Variants in PCDHB10 observed in about 807,000 individuals in gnomAD.
PCDHB10 encodes protocadherin beta 10, also known as protocadherin beta-10.
For missense variants in PCDHB10, 1,046 were observed against 1,004.7 expected, an observed-to-expected ratio of 1.04 and a Z score of -0.56; for synonymous variants, 448 against 449.2, an observed-to-expected ratio of 1.00 and a Z score of 0.04.
chr5:141,193,255 G>A lies in PCDHB10; in HGVS notation c.703G>A (p.Val235Ile). The change falls in exon 1 of 1, where the codon GTC (valine) becomes ATC (isoleucine). Residue 235 changes from valine (V) to isoleucine (I), a missense_variant. Val to Ile is a conservative substitution (Grantham distance 29). Transcript: ENST00000239446. ...TSTVRIVVLD[V>I]NDNAPQFAQA... ...TACTGTACGCATCGTTGTCTTGGAC[G>A]TCAATGACAATGCCCCACAGTTTGC... 1 of 1,614,074 alleles carries A rather than the reference G, an allele frequency of 6.2e-7. No homozygotes were observed.
Position 141,193,298 on chromosome 5 carries a change from C to T in PCDHB10, c.746C>T (p.Thr249Ile). Residue 249 changes from threonine (T) to isoleucine (I), a missense_variant, in exon 1 of 1, where the codon ACC becomes ATC. Coordinates refer to ENST00000239446, the MANE Select transcript of PCDHB10 (RefSeq NM_018930.4). The stretch of plus-strand genomic sequence containing the variant: ...CAGTTTGCCCAGGCTCTGTATGAGA[C>T]CCAGGCTCCAGAAAACAGCCCCATT... ...APQFAQALYE[T>I]QAPENSPIGF... 4 of 1,614,064 alleles carry T rather than the reference C, an allele frequency of 2.5e-6. No homozygotes were observed. The highest frequency in any genetic ancestry group is 2.2e-5 in the South Asian group (2 of 91,076).
At position 141,192,827 on chromosome 5, in the gene PCDHB10, G is replaced by A. The variant is rs375962785; in HGVS notation, c.275G>A (p.Arg92Gln). ...TTGCTCACAAATGAGAAACTGGACC[G>A]AGAGAAGCTGTGTGGCCCTAAAGAG... is the stretch of plus-strand genomic sequence containing the variant. ...GNLLTNEKLD[R>Q]EKLCGPKEPC... The change falls in exon 1 of 1, where the codon CGA becomes CAA. Residue 92 changes from arginine (R) to glutamine (Q), a missense_variant. Arg to Gln is a conservative substitution (Grantham distance 43). Coordinates refer to ENST00000239446, the MANE Select transcript of PCDHB10 (RefSeq NM_018930.4). The A allele has an allele frequency of 1.8e-5, 29 of 1,611,208 alleles. No homozygotes were observed. Among genetic ancestry groups the A allele is most frequent in the Non-Finnish European group, 2.0e-5 (24 of 1,178,020 alleles).
At position 141,193,597 on chromosome 5, in the gene PCDHB10, G is replaced by T. The variant is rs377570572; in HGVS notation, c.1045G>T (p.Val349Leu). ...DTNDNPPELI[V>L]SSFSNSVAEN... is the part of the protein sequence containing the mutation. ...CAATGACAATCCCCCTGAACTGATC[G>T]TATCATCATTTTCCAACTCTGTTGC... Residue 349 changes from valine (V) to leucine (L), a missense_variant, in exon 1 of 1, where the codon GTA (valine) becomes TTA (leucine). By Grantham distance (32) the Val-to-Leu change is conservative (BLOSUM62 1). Transcript: ENST00000239446. The T allele has an allele frequency of 6.2e-6, 10 of 1,613,986 alleles. No homozygotes were observed. Among genetic ancestry groups the T allele is most frequent in the Admixed American group, 1.7e-5 (1 of 60,002 alleles).
chr5:141,192,454 C>A lies in PCDHB10; in HGVS notation c.-99C>A, dbSNP rs1554283800. On this transcript the variant is annotated 5_prime_UTR_variant, in exon 1 of 1. Transcript: ENST00000239446. Reference sequence around the variant, plus strand: ...GGGAAAGGGAAAGGACAAAAAAGACCCCTGGGCTACACGGCGTAGGTGCAG... The same window carrying A: ...GGGAAAGGGAAAGGACAAAAAAGACACCTGGGCTACACGGCGTAGGTGCAG... 1.4e-6 allele frequency: 2 copies of A among 1,468,670 alleles called. No individual in the cohort carries two copies. Among genetic ancestry groups the A allele is most frequent in the East Asian group, 2.3e-5 (1 of 44,120 alleles). The allele number at this position is 1,468,670 out of a possible 1,614,324, so 91.0% of individuals were successfully genotyped here. A position where few individuals can be genotyped will look rare whatever the true frequency, so the allele number is the denominator to read the frequency against.
rs201494824 is a variant in PCDHB10 at position 141,193,963 on chromosome 5, G to A, written c.1411G>A (p.Gly471Ser). 74 of 1,611,032 alleles carry A rather than the reference G, an allele frequency of 4.6e-5. No homozygotes were observed. In the South Asian group the frequency reaches 7.4e-4, roughly 16 times the overall value. ...GAACAACAGCCCCGCCCTGCACATC[G>A]GCAGCGTCAGCGCCACAGACAGAGA... ...RENNSPALHI[G>S]SVSATDRDSG... Residue 471 changes from glycine to serine, a missense_variant, in exon 1 of 1, where the codon GGC (glycine) becomes AGC (serine). Physicochemically the swap from Gly to Ser is moderately conservative, Grantham distance 56 (BLOSUM62 0). Transcript: ENST00000239446.
chr5:141,193,900 G>A lies in PCDHB10; in HGVS notation c.1348G>A (p.Ala450Thr), dbSNP rs782493009. The change falls in exon 1 of 1, where the codon GCC (alanine) becomes ACC (threonine). Residue 450 changes from alanine to threonine, a missense_variant. By Grantham distance (58) the Ala-to-Thr change is moderately conservative. Coordinates refer to ENST00000239446, the MANE Select transcript of PCDHB10 (RefSeq NM_018930.4). ...CTCCGACGTCAATGACAACGCCCCC[G>A]CCTTCACCCAAACCTCCTACACCCT... ...LVSDVNDNAPAFTQTSYTLFV... is the reference protein window; with the variant it reads ...LVSDVNDNAPTFTQTSYTLFV... 3.6e-5 allele frequency: 58 copies of A among 1,613,356 alleles called. No individual in the cohort carries two copies. Among genetic ancestry groups the A allele is most frequent in the Middle Eastern group, 1.7e-4 (1 of 5,730 alleles).
Position 141,194,566 on chromosome 5 carries a change from C to T in PCDHB10, c.2014C>T (p.Pro672Ser). 6.4e-7 allele frequency: 1 copy of T among 1,572,444 alleles called. No homozygotes were observed. The highest frequency in any genetic ancestry group is 8.6e-7 in the Non-Finnish European group (1 of 1,164,028). ...LVDGFSQPYL[P>S]LPEAAPAQAQ... ...GGACGGCTTCTCCCAGCCCTACCTG[C>T]CTCTCCCGGAGGCGGCCCCGGCCCA... is the stretch of plus-strand genomic sequence containing the variant. The change falls in exon 1 of 1, where the codon CCT becomes TCT. Residue 672 changes from proline (P) to serine (S), a missense_variant. Transcript: ENST00000239446.
Position 141,193,650 on chromosome 5 carries a change from T to A in PCDHB10, c.1098T>A (p.Ala366=). The A allele has an allele frequency of 6.2e-7, 1 of 1,614,208 alleles. No homozygotes were observed. Among genetic ancestry groups the A allele is most frequent in the Middle Eastern group, 1.6e-4 (1 of 6,062 alleles). The stretch of plus-strand genomic sequence containing the variant: ...AGAATTCTCCTGAGACGCCGCTGGC[T>A]GTTTTTAAGATTAATGACAGAGACT... ...VAENSPETPL[A]VFKINDRDSG... Residue 366 remains alanine (A), a synonymous_variant, in exon 1 of 1, where the codon GCT becomes GCA. Coordinates refer to ENST00000239446, the MANE Select transcript of PCDHB10 (RefSeq NM_018930.4).
At position 141,195,119 on chromosome 5, in the gene PCDHB10, C is replaced by A. The variant is rs947620717; in HGVS notation, c.*164C>A. ...TTTCATCATTTTTTTGCATTAATAA[C>A]AACTGGGTTTAATTTAATGAGTATT... On this transcript the variant is annotated 3_prime_UTR_variant, in exon 1 of 1. Transcript: ENST00000239446. 5 of 679,300 alleles carry A rather than the reference C, an allele frequency of 7.4e-6. No individual in the cohort carries two copies. The highest frequency in any genetic ancestry group is 9.3e-6 in the Non-Finnish European group (4 of 431,142). 42.1% of individuals were successfully genotyped at this position (679,300 alleles called of 1,614,324 possible). A position where few individuals can be genotyped will look rare whatever the true frequency, so the allele number is the denominator to read the frequency against.
chr5:141,194,532 G>T lies in PCDHB10; in HGVS notation c.1980G>T (p.Leu660Phe). The part of the protein sequence containing the change: ...PPRSATATLH[L>F]LLVDGFSQPY... ...GCTCGGCCACCGCCACGCTGCACTT[G>T]CTCCTGGTGGACGGCTTCTCCCAGC... The change falls in exon 1 of 1, where the codon TTG becomes TTT. Residue 660 changes from leucine (L) to phenylalanine (F), a missense_variant. Physicochemically the swap from Leu to Phe is conservative, Grantham distance 22 (BLOSUM62 0). Coordinates refer to ENST00000239446, the MANE Select transcript of PCDHB10 (RefSeq NM_018930.4). The T allele has an allele frequency of 6.3e-7, 1 of 1,577,880 alleles. No individual in the cohort carries two copies.
rs1754016160 is a variant in PCDHB10 at position 141,194,764 on chromosome 5, C to A, written c.2212C>A (p.Leu738Met). 2 of 1,614,078 alleles carry A rather than the reference C, an allele frequency of 1.2e-6. No homozygotes were observed. Among genetic ancestry groups the A allele is most frequent in the African/African-American group, 1.3e-5 (1 of 75,026 alleles). The change falls in exon 1 of 1, where the codon CTG becomes ATG. Residue 738 changes from leucine to methionine, a missense_variant. Transcript: ENST00000239446. The stretch of plus-strand genomic sequence containing the variant: ...GCCCGAGGGTCCTTTTCCAGGGCAT[C>A]TGGTGGACGTGAGGGGCGCTGAGAC... The part of the protein sequence containing the change: ...SVPEGPFPGH[L>M]VDVRGAETLS...
Position 141,192,608 on chromosome 5 carries a change from T to C in PCDHB10, c.56T>C (p.Leu19Pro), listed in dbSNP as rs1554283838. 2 of 1,614,152 alleles carry C rather than the reference T, an allele frequency of 1.2e-6. No individual in the cohort carries two copies. Among genetic ancestry groups the C allele is most frequent in the East Asian group, 2.2e-5 (1 of 44,890 alleles). Residue 19 changes from leucine (L) to proline (P), a missense_variant, in exon 1 of 1, where the codon CTT becomes CCT. Transcript: ENST00000239446. ...PRQRQVLFLF[L>P]FWGVSLAGSG... ...CAAAGGCAAGTCCTGTTTCTTTTTC[T>C]TTTTTGGGGAGTGTCCTTGGCAGGT...
chr5:141,193,325 G>C lies in PCDHB10; in HGVS notation c.773G>C (p.Gly258Ala). ...ETQAPENSPI[G>A]FLIVKVWAED... ...CAGGCTCCAGAAAACAGCCCCATTG[G>C]GTTCCTTATTGTTAAGGTATGGGCA... The change falls in exon 1 of 1, where the codon GGG becomes GCG. Residue 258 changes from glycine (G) to alanine (A), a missense_variant. By Grantham distance (60) the Gly-to-Ala change is moderately conservative. Transcript: ENST00000239446. The C allele has an allele frequency of 1.9e-5, 31 of 1,614,080 alleles. No individual in the cohort carries two copies. The highest frequency in any genetic ancestry group is 2.6e-5 in the Non-Finnish European group (31 of 1,179,996).
chr5:141,193,437 T>A lies in PCDHB10; in HGVS notation c.885T>A (p.Asn295Lys). 6.2e-7 allele frequency: 1 copy of A among 1,614,140 alleles called. No homozygotes were observed. The highest frequency in any genetic ancestry group is 8.5e-7 in the Non-Finnish European group (1 of 1,180,022). Residue 295 changes from asparagine (N) to lysine (K), a missense_variant, in exon 1 of 1, where the codon AAT becomes AAA. Coordinates refer to ENST00000239446, the MANE Select transcript of PCDHB10 (RefSeq NM_018930.4). ...ATATTCGAACAACCTTTCAAATCAA[T>A]CCTTTTTCTGGGGAAATCTTTCTCA... is the stretch of plus-strand genomic sequence containing the variant. The part of the protein sequence containing the change: ...SENIRTTFQI[N>K]PFSGEIFLRE...
chr5:141,193,862 T>C lies in PCDHB10; in HGVS notation c.1310T>C (p.Ile437Thr). 1 of 1,613,904 alleles carries C rather than the reference T, an allele frequency of 6.2e-7. No homozygotes were observed. Among genetic ancestry groups the C allele is most frequent in the South Asian group, 1.1e-5 (1 of 91,052 alleles). Residue 437 changes from isoleucine to threonine, a missense_variant, in exon 1 of 1, where the codon ATA becomes ACA. Ile to Thr is a moderately conservative substitution (Grantham distance 89, BLOSUM62 -1). Transcript: ENST00000239446. ...CCCAGGCTGAAAACCGAGCACAACA[T>C]AACGGTCCTGGTCTCCGACGTCAAT... ...GTPRLKTEHN[I>T]TVLVSDVNDN...
Position 141,194,251 on chromosome 5 carries a change from A to T in PCDHB10, c.1699A>T (p.Asn567Tyr), listed in dbSNP as rs1753993607. The change falls in exon 1 of 1, where the codon AAC (asparagine) becomes TAC (tyrosine). Residue 567 changes from asparagine (N) to tyrosine (Y), a missense_variant. Transcript: ENST00000239446. ...NSPFVLYPLQNGSAPCTELVP... is the reference protein window; with the variant it reads ...NSPFVLYPLQYGSAPCTELVP... ...GCCCTTCGTGCTGTACCCGCTGCAG[A>T]ACGGCTCCGCGCCCTGCACCGAGCT... The T allele has an allele frequency of 6.2e-7, 1 of 1,605,482 alleles. No homozygotes were observed. Among genetic ancestry groups the T allele is most frequent in the African/African-American group, 1.3e-5 (1 of 74,702 alleles).
At position 141,192,533 on chromosome 5, in the gene PCDHB10, A is replaced by G; in HGVS notation, c.-20A>G. On this transcript the variant is annotated 5_prime_UTR_variant, in exon 1 of 1. Coordinates refer to ENST00000239446, the MANE Select transcript of PCDHB10 (RefSeq NM_018930.4). The stretch of plus-strand genomic sequence containing the variant: ...GGAGCTGTGGCTGTAACCAACTAGG[A>G]AATAACGTATGCAGCAGCTATGGCT... The G allele has an allele frequency of 6.2e-7, 1 of 1,607,928 alleles. No homozygotes were observed. The highest frequency in any genetic ancestry group is 8.5e-7 in the Non-Finnish European group (1 of 1,177,244).
At position 141,193,337 on chromosome 5, in the gene PCDHB10, T is replaced by C. The variant is rs782711889; in HGVS notation, c.785T>C (p.Val262Ala). The C allele has an allele frequency of 6.2e-7, 1 of 1,614,010 alleles. No homozygotes were observed. The part of the protein sequence containing the change: ...PENSPIGFLI[V>A]KVWAEDVDSG... ...AACAGCCCCATTGGGTTCCTTATTG[T>C]TAAGGTATGGGCAGAAGATGTAGAC... Residue 262 changes from valine to alanine, a missense_variant, in exon 1 of 1, where the codon GTT becomes GCT. By Grantham distance (64) the Val-to-Ala change is moderately conservative. Transcript: ENST00000239446.
At position 141,194,826 on chromosome 5, in the gene PCDHB10, G is replaced by T. The variant is rs1554284529; in HGVS notation, c.2274G>T (p.Thr758=). ...GCTACCAGTATGAGGTGTGTCTGAC[G>T]GGAGGCCCCGGGACCAGTGAGTTCA... ...SQSYQYEVCL[T]GGPGTSEFKF... The change falls in exon 1 of 1, where the codon ACG becomes ACT. Residue 758 remains threonine, a synonymous_variant. Transcript: ENST00000239446. 9.3e-6 allele frequency: 15 copies of T among 1,614,044 alleles called. No homozygotes were observed. The highest frequency in any genetic ancestry group is 1.1e-5 in the Non-Finnish European group (13 of 1,180,038).
Sources: gnomAD v4.1 joint callset for allele counts on GRCh38, gnomAD v4.1.1 for gene constraint, MANE v1.5 for transcripts, NCBI Gene and HGNC (gene_info 2026-07-23, HGNC 2026-07-21) for gene names.